COPS3: variants seen among roughly 807,000 people sequenced by gnomAD.
COPS3 encodes COP9 signalosome subunit 3.
COPS3 carries 10 observed loss-of-function variants against 58.2 expected under a neutral mutation model. The observed-to-expected ratio is 0.17, with a 90% confidence interval of 0.11 to 0.29. The LOEUF (loss-of-function observed/expected upper bound fraction) is 0.29. Ranked by LOEUF, COPS3 falls within the 10% of genes least tolerant of loss-of-function variation. COPS3 has a pLI of 1.00. For synonymous variants in COPS3, 187 were observed against 181.7 expected (o/e 1.03, Z -0.24); for missense variants, 333 against 510.1 (o/e 0.65, Z 3.34).
At chr17:17,272,867 A>G (rs9910071) in intron 2 of COPS3, among the ~76,000 whole-genome samples, 5,614 of 152,268 alleles carry the variant, frequency 0.037, 315 homozygotes, top group African/African-American at 0.12. Flanking sequence ...AAGCCATTGC[A>G]CTCCAGCCTA....
At position 17,247,027 on chromosome 17, in the gene COPS3, G is replaced by C; in HGVS notation, c.*71C>G. Reference sequence around the variant, plus strand: ...AGGTGACACAGGCTTGGTCCTCTCTGCTGCCCTCCGAACACTTGTCACTGG... The same window carrying C: ...AGGTGACACAGGCTTGGTCCTCTCTCCTGCCCTCCGAACACTTGTCACTGG... On this transcript the variant is annotated 3_prime_UTR_variant, in exon 12 of 12. Coordinates refer to ENST00000268717, the MANE Select transcript of COPS3 (RefSeq NM_003653.4). The C allele has an allele frequency of 7.3e-7, 1 of 1,370,784 alleles. No individual in the cohort carries two copies. The highest frequency in any genetic ancestry group is 1.2e-5 in the South Asian group (1 of 86,176). 84.9% of individuals were successfully genotyped at this position (1,370,784 alleles called of 1,614,324 possible).
intron 9 of COPS3, 43 bp downstream of exon 9, chr17:17,254,816 A>AG (rs2047927789): frequency 1.9e-6 from 2 of 1,038,106 alleles, no homozygotes; most frequent in Admixed American, 3.0e-5. Flanking sequence ...CTCAAAAAGA[A>AG]AAAAAAAAAA....
chr17:17,248,693 G>C (rs1246910174), intron 10 of COPS3, among the ~76,000 whole-genome samples: 1 of 152,062 alleles, frequency 6.6e-6, no homozygotes, highest in Non-Finnish European at 1.5e-5. Context: ...GTCTTGCTCT[G>C]TCACCCAAGG....
intron 7 of COPS3, 123 bp downstream of exon 7, chr17:17,261,843 C>T (rs2145216390): frequency 1.3e-6 from 1 of 754,574 alleles, no homozygotes; most frequent in Non-Finnish European, 2.1e-6. Context: ...TAAATGTCTG[C>T]TCACCTGAAG....
chr17:17,254,845 G>GAA lies in COPS3; in HGVS notation c.1023+12_1023+13dup. 8.8e-7 allele frequency: 1 copy of GAA among 1,140,132 alleles called. No homozygotes were observed. The highest frequency in any genetic ancestry group is 1.2e-6 in the Non-Finnish European group (1 of 832,506). The allele number at this position is 1,140,132 out of a possible 1,614,324, so 70.6% of individuals were successfully genotyped here. A position where few individuals can be genotyped will look rare whatever the true frequency, so the allele number is the denominator to read the frequency against. On this transcript the variant is annotated intron_variant, in intron 9 of 11. Transcript: ENST00000268717. ...AAAAAAAAAAAAAGAAAAAGAAAAAGAAAATCCACTTACCATGTGCAGAAC... is the reference window on the plus strand; with the variant it reads ...AAAAAAAAAAAAAGAAAAAGAAAAAGAAAAAATCCACTTACCATGTGCAGAAC...
chr17:17,248,042 G>C (rs1008361719), intron 10 of COPS3, among the ~76,000 whole-genome samples: 6 of 152,170 alleles, frequency 3.9e-5, no homozygotes, highest in African/African-American at 1.4e-4. Flanking sequence ...GCTGTAGCCA[G>C]GCTGTTGCCT....
chr17:17,280,706 G>T, intron 1 of COPS3: 1 of 1,265,304 alleles, frequency 7.9e-7, no homozygotes, highest in Non-Finnish European at 1.0e-6. Context: ...CTCGCCTCCC[G>T]CCCGCTCCCG....
chr17:17,255,488 A>AAAAAAAAAC (rs1338244056), intron 8 of COPS3, among the ~76,000 whole-genome samples: 1 of 151,422 alleles, frequency 6.6e-6, no homozygotes, highest in African/African-American at 2.4e-5. Context: ...TCTATTTCAA[A>AAAAAAAAAC]AAAAAAAGTG....
rs71152853 is a variant in COPS3 at position 17,254,814 on chromosome 17, GAAAAAAAAAAA to G, written c.1023+34_1023+44del. On this transcript the variant is annotated intron_variant, in intron 9 of 11. Transcript: ENST00000268717. ...ACAGAGCGAGACTCCATCTCAAAAA[GAAAAAAAAAAA>G]AAAAAAAGAAAAAGAAAAAGAAAAT... 5.6e-5 allele frequency: 46 copies of G among 822,816 alleles called. 2 individuals carry two copies. In the South Asian group the frequency reaches 7.3e-4, roughly 13 times the overall value. The allele number at this position is 822,816 out of a possible 1,614,324, so 51.0% of individuals were successfully genotyped here.
intron 8 of COPS3, among the ~76,000 whole-genome samples, chr17:17,256,613 T>C (rs764986802): frequency 1.8e-4 from 28 of 152,178 alleles, no homozygotes; most frequent in Non-Finnish European, 3.8e-4. Context: ...AATTCCTTTT[T>C]TTTTTGAGAT....
At chr17:17,261,943 T>TCAGTTTTATGTAAAAAAC in intron 7 of COPS3, 23 bp downstream of exon 7, 1 of 1,562,130 alleles carries the variant, frequency 6.4e-7, no homozygotes, top group Non-Finnish European at 8.7e-7. Flanking sequence ...ACGTAAGAAA[T>TCAGTTTTATGTAAAAAAC]CAGTTTTATG....
chr17:17,255,262 T>G (rs1368474319), intron 8 of COPS3, among the ~76,000 whole-genome samples: 1 of 151,368 alleles, frequency 6.6e-6, no homozygotes, highest in African/African-American at 2.4e-5. Flanking sequence ...ACTGAGCCAC[T>G]GAACTCCAGC....
At chr17:17,271,480 A>G (rs938324055) in intron 2 of COPS3, among the ~76,000 whole-genome samples, 1 of 151,764 alleles carries the variant, frequency 6.6e-6, no homozygotes, top group African/African-American at 2.4e-5. Context: ...TGACCTGGTT[A>G]TTTTGCACAA....
intron 10 of COPS3, among the ~76,000 whole-genome samples, chr17:17,248,519 G>A (rs2047772295): frequency 6.6e-6 from 1 of 152,070 alleles, no homozygotes; most frequent in Non-Finnish European, 1.5e-5. Flanking sequence ...GTTTTGCCAT[G>A]TTGGGCAGGC....
At chr17:17,250,580 G>A (rs1567845128) in intron 9 of COPS3, among the ~76,000 whole-genome samples, 3 of 152,286 alleles carry the variant, frequency 2.0e-5, no homozygotes, top group African/African-American at 7.2e-5. Flanking sequence ...TTCCAAGGTA[G>A]ATTCAAGGTC....
At chr17:17,266,028 A>C (rs1352872698) in intron 5 of COPS3, among the ~76,000 whole-genome samples, 1 of 152,214 alleles carries the variant, frequency 6.6e-6, no homozygotes, top group Non-Finnish European at 1.5e-5. Flanking sequence ...TGAGCTATAC[A>C]CTTTAGTATT....
chr17:17,249,236 AGGT>A (rs770152433), intron 9 of COPS3, among the ~76,000 whole-genome samples, 197 bp from the exon 10 acceptor site: 1 of 152,218 alleles, frequency 6.6e-6, no homozygotes, highest in Non-Finnish European at 1.5e-5. Flanking sequence ...AGATGCTAAG[AGGT>A]GTAAAACTGA....
chr17:17,267,114 GAT>G (rs2048240227), intron 5 of COPS3, among the ~76,000 whole-genome samples: 1 of 151,674 alleles, frequency 6.6e-6, no homozygotes, highest in Admixed American at 6.6e-5. Flanking sequence ...GAGGCGAGCG[GAT>G]CACGACGTCA....
In COPS3 at chr17:17,253,853, T is replaced by C. The variant is rs372967425; in HGVS notation, c.1023+1006A>G. Among the ~76,000 whole-genome samples the C allele has an allele frequency of 2.0e-4, 30 of 152,190 alleles. No individual in the cohort carries two copies. In the East Asian group the frequency reaches 5.2e-3, roughly 26 times the overall value. ...CAAAAATTCTGATAATGAAAATATG[T>C]AAATATAGCCGCCTGTAATACCAGC... On this transcript the variant is annotated intron_variant, in intron 9 of 11. Coordinates refer to ENST00000268717, the MANE Select transcript of COPS3 (RefSeq NM_003653.4).
Sources: allele counts gnomAD v4.1 joint callset (sites outside exome capture counted in the v4.1 genomes callset), GRCh38; gene constraint gnomAD v4.1.1; transcripts MANE v1.5; gene names NCBI Gene and HGNC (gene_info 2026-07-23, HGNC 2026-07-21).